The following MIGA2 variants were observed in gnomAD, a reference collection of about 807,000 sequenced individuals.
MIGA2 encodes family with sequence similarity 73, member B.
MIGA2 carries 36 observed loss-of-function variants against 69.9 expected under a neutral mutation model. The observed-to-expected ratio is 0.52, with a 90% CI of 0.39 to 0.68. MIGA2 has a LOEUF of 0.68. Ranked by LOEUF, MIGA2 falls within the 30% of genes least tolerant of loss-of-function variation. The probability of loss-of-function intolerance (pLI) is 0.00; values close to 1 mark genes in which losing one functional copy is unlikely to be tolerated. For synonymous variants in MIGA2, 333 were observed against 349.2 expected (o/e 0.95, Z 0.52); for missense variants, 660 against 787.7 (o/e 0.84, Z 1.94).
chr9:129,063,339 T>C, intron 10 of MIGA2, 23 bp downstream of exon 10: 1 of 1,613,134 alleles, frequency 6.2e-7, no homozygotes, highest in East Asian at 2.2e-5. Context: ...TGGGGGTTCC[T>C]CGGGGGTGGG....
intron 1 of MIGA2, 78 bp from the exon 2 acceptor site, chr9:129,040,374 T>G: frequency 1.9e-6 from 2 of 1,079,600 alleles, no homozygotes; most frequent in Non-Finnish European, 2.4e-6. Flanking sequence ...TCCTCCCCCA[T>G]GGACGCTCTT....
rs776698562 is a variant in MIGA2 at position 129,061,229 on chromosome 9, A to T, written c.895-2A>T. On this transcript the variant is annotated splice_acceptor_variant, in intron 8 of 15. Transcript: ENST00000684074. LOFTEE classifies it high-confidence loss of function. The surrounding 1 kb of genome is among the most constrained non-coding windows in gnomAD (Gnocchi z 5.0). Reference sequence around the variant, plus strand: ...GGTCTCTTCCTCTGCACCCTCTCCCAGCTCTTTGAGTCCCTGCAGACTGGA... The same window carrying T: ...GGTCTCTTCCTCTGCACCCTCTCCCTGCTCTTTGAGTCCCTGCAGACTGGA... 31 of 1,609,290 alleles carry T rather than the reference A, an allele frequency of 1.9e-5. No individual in the cohort carries two copies. Among genetic ancestry groups the T allele is most frequent in the Middle Eastern group, 1.9e-4 (1 of 5,314 alleles).
chr9:129,053,867 C>T (rs1419390719), intron 6 of MIGA2, among the ~76,000 whole-genome samples: 1 of 151,734 alleles, frequency 6.6e-6, no homozygotes, highest in East Asian at 1.9e-4. Flanking sequence ...CTCTGCTGCC[C>T]AGGCTGGAGT....
chr9:129,041,358 G>T (rs1219094422), intron 2 of MIGA2, among the ~76,000 whole-genome samples: 1 of 151,412 alleles, frequency 6.6e-6, no homozygotes, highest in Non-Finnish European at 1.5e-5. Context: ...GCTGGGCATG[G>T]TGGCAGGTGC....
chr9:129,064,139 A>G (rs537210829), intron 11 of MIGA2, among the ~76,000 whole-genome samples: 40 of 152,330 alleles, frequency 2.6e-4, no homozygotes, highest in Non-Finnish European at 4.0e-4. Flanking sequence ...CATCACTGCC[A>G]GCAATATAAG....
At position 129,070,422 on chromosome 9, in the gene MIGA2, G is replaced by T. The variant is rs768846627; in HGVS notation, c.1751G>T (p.Arg584Leu). ...SSAGVNGALP[R>L]ENGPLGELQ is the part of the protein sequence containing the mutation. ...GCAGGCGTGAATGGGGCGCTGCCCC[G>T]AGAGAATGGGCCCCTGGGGGAGCTG... Residue 584 changes from arginine to leucine, a missense_variant, in exon 16 of 16, where the codon CGA becomes CTA. Physicochemically the swap from Arg to Leu is moderately radical, Grantham distance 102 (BLOSUM62 -2). This residue lies in a region of MIGA2 where 220 missense variants were observed against 301.7 expected (regional missense o/e 0.73). Coordinates refer to ENST00000684074, the MANE Select transcript of MIGA2 (RefSeq NM_001329990.2). 6.2e-7 allele frequency: 1 copy of T among 1,600,446 alleles called. No individual in the cohort carries two copies. Among genetic ancestry groups the T allele is most frequent in the Non-Finnish European group, 8.5e-7 (1 of 1,172,114 alleles).
intron 3 of MIGA2, among the ~76,000 whole-genome samples, chr9:129,045,609 T>TA (rs1416747824): frequency 6.6e-6 from 1 of 151,308 alleles, no homozygotes; most frequent in African/African-American, 2.4e-5. Context: ...AATTTTTTTT[T>TA]AAAAAGAGAA....
Position 129,068,438 on chromosome 9 carries a change from C to T in MIGA2, c.1404+106C>T, listed in dbSNP as rs1482983369. ...AGCACTGGCACCAGGGCTGGGCCCC[C>T]ACCCCCTAGATCCGCGGCTGCCAGG... On this transcript the variant is annotated intron_variant, in intron 13 of 15. Coordinates refer to ENST00000684074, the MANE Select transcript of MIGA2 (RefSeq NM_001329990.2). The surrounding 1 kb of genome is among the most constrained non-coding windows in gnomAD (Gnocchi z 4.1). 6.7e-7 allele frequency: 1 copy of T among 1,488,614 alleles called. No individual in the cohort carries two copies. The highest frequency in any genetic ancestry group is 9.1e-7 in the Non-Finnish European group (1 of 1,102,712). The allele number at this position is 1,488,614 out of a possible 1,614,324, so 92.2% of individuals were successfully genotyped here. A position where few individuals can be genotyped will look rare whatever the true frequency, so the allele number is the denominator to read the frequency against.
chr9:129,061,373 AG>A lies in MIGA2; in HGVS notation c.1010+30del. The A allele has an allele frequency of 1.8e-6, 1 of 557,104 alleles. No individual in the cohort carries two copies. Among genetic ancestry groups the A allele is most frequent in the Non-Finnish European group, 3.5e-6 (1 of 284,924 alleles). 34.5% of individuals were successfully genotyped at this position (557,104 alleles called of 1,614,324 possible). ...TGAGCAGGTGTGGAGGGAGGGAGGGAGGGAGCAGGAGGCGATGGGTGATTCT... is the reference window on the plus strand; with the variant it reads ...TGAGCAGGTGTGGAGGGAGGGAGGGAGGAGCAGGAGGCGATGGGTGATTCT... On this transcript the variant is annotated intron_variant, in intron 9 of 15. Transcript: ENST00000684074. The surrounding 1 kb of genome is among the most constrained non-coding windows in gnomAD (Gnocchi z 5.0).
In MIGA2 at chr9:129,068,331, C is replaced by T. The variant is rs1322497083; in HGVS notation, c.1403C>T (p.Thr468Met). The T allele has an allele frequency of 1.0e-5, 16 of 1,602,290 alleles. No homozygotes were observed. Among genetic ancestry groups the T allele is most frequent in the East Asian group, 2.2e-5 (1 of 44,822 alleles). Reference protein sequence around the residue: ...NRWLSDSFKETALATACWSVL... With the variant: ...NRWLSDSFKEMALATACWSVL... ...TGGCTGTCAGACAGCTTCAAGGAGA[C>T]GGTGGGTCACTGCCCTGCTCTCAGA... The change falls in exon 13 of 16, where the codon ACG (threonine) becomes ATG (methionine). Residue 468 changes from threonine to methionine, a missense_variant and splice_region_variant. By Grantham distance (81) the Thr-to-Met change is moderately conservative. Transcript: ENST00000684074. The surrounding 1 kb of genome is among the most constrained non-coding windows in gnomAD (Gnocchi z 4.1).
chr9:129,063,618 C>T lies in MIGA2; in HGVS notation c.1157C>T (p.Thr386Ile). ...VGRQMVTGLM[T>I]KAEKSPKGFL... ...CGACAGATGGTGACAGGCCTGATGA[C>T]CAAGGCTGAGAAGGTAGCAGGGGGT... The change falls in exon 11 of 16, where the codon ACC becomes ATC. Residue 386 changes from threonine to isoleucine, a missense_variant. Transcript: ENST00000684074. The T allele has an allele frequency of 6.2e-7, 1 of 1,610,180 alleles. No individual in the cohort carries two copies. Among genetic ancestry groups the T allele is most frequent in the South Asian group, 1.1e-5 (1 of 90,938 alleles).
chr9:129,063,329 T>A lies in MIGA2; in HGVS notation c.1083+13T>A. On this transcript the variant is annotated intron_variant, in intron 10 of 15. Coordinates refer to ENST00000684074, the MANE Select transcript of MIGA2 (RefSeq NM_001329990.2). ...GCAGGCCTTCGAGGTGGGTGTGGCCTGGGGGTTCCTCGGGGGTGGGAGGCA... is the reference window on the plus strand; with the variant it reads ...GCAGGCCTTCGAGGTGGGTGTGGCCAGGGGGTTCCTCGGGGGTGGGAGGCA... The A allele has an allele frequency of 6.2e-7, 1 of 1,613,420 alleles. No individual in the cohort carries two copies. The highest frequency in any genetic ancestry group is 8.5e-7 in the Non-Finnish European group (1 of 1,179,786).
intron 6 of MIGA2, among the ~76,000 whole-genome samples, chr9:129,054,581 A>G (rs1845703409): frequency 6.6e-6 from 1 of 152,224 alleles, no homozygotes; most frequent in Non-Finnish European, 1.5e-5. Context: ...GGATTTGCCT[A>G]TCACGGACGT....
chr9:129,055,935 G>A (rs1168522522), intron 6 of MIGA2, among the ~76,000 whole-genome samples: 1 of 151,646 alleles, frequency 6.6e-6, no homozygotes, highest in Admixed American at 6.6e-5. Context: ...GATCACTTGA[G>A]TCTAGGAATT....
chr9:129,042,553 C>A, intron 3 of MIGA2, 39 bp downstream of exon 3: 1 of 1,530,552 alleles, frequency 6.5e-7, no homozygotes, highest in South Asian at 1.2e-5. Flanking sequence ...GACCTGAGGT[C>A]ACATCCTGGG....
At chr9:129,037,139 G>A in intron 1 of MIGA2, 1 of 813,726 alleles carries the variant, frequency 1.2e-6, no homozygotes, top group Non-Finnish European at 1.5e-6. Context: ...GGGATGCCCG[G>A]TGCCCGGCAT....
chr9:129,056,783 G>A (rs948623416), intron 6 of MIGA2, among the ~76,000 whole-genome samples: 4 of 152,100 alleles, frequency 2.6e-5, no homozygotes, highest in African/African-American at 4.8e-5. Context: ...CCCCCAAAGT[G>A]CTGGGATTAC....
Position 129,068,451 on chromosome 9 carries a change from C to G in MIGA2, c.1404+119C>G. 7.0e-7 allele frequency: 1 copy of G among 1,419,330 alleles called. No individual in the cohort carries two copies. Among genetic ancestry groups the G allele is most frequent in the Non-Finnish European group, 9.5e-7 (1 of 1,050,084 alleles). 87.9% of individuals were successfully genotyped at this position (1,419,330 alleles called of 1,614,324 possible). A position where few individuals can be genotyped will look rare whatever the true frequency, so the allele number is the denominator to read the frequency against. On this transcript the variant is annotated intron_variant, in intron 13 of 15. Coordinates refer to ENST00000684074, the MANE Select transcript of MIGA2 (RefSeq NM_001329990.2). The surrounding 1 kb of genome is among the most constrained non-coding windows in gnomAD (Gnocchi z 4.1). ...GGGCTGGGCCCCCACCCCCTAGATC[C>G]GCGGCTGCCAGGCCTGGGAGACCAG...
chr9:129,062,028 T>C (rs1351686778), intron 9 of MIGA2, among the ~76,000 whole-genome samples: 3 of 151,072 alleles, frequency 2.0e-5, no homozygotes, highest in Non-Finnish European at 2.9e-5. Flanking sequence ...GATAAGAGAC[T>C]GAGAACTTGA....
Sources: gnomAD v4.1 joint callset for allele counts (sites outside exome capture counted in the v4.1 genomes callset) on GRCh38, gnomAD v4.1.1 for gene constraint, gnomAD v4.1.1 regional missense constraint, Gnocchi (gnomAD v3.1) non-coding constraint, MANE v1.5 for transcripts, NCBI Gene and HGNC (gene_info 2026-07-23, HGNC 2026-07-21) for gene names.